The following KHDRBS2 variants were observed in gnomAD, a reference collection of about 807,000 sequenced individuals.
KHDRBS2 encodes KH domain-containing, RNA-binding, signal transduction-associated protein 2.
KHDRBS2 carries 26 observed loss-of-function variants against 44.3 expected under a neutral mutation model. That is an observed-to-expected ratio of 0.59 (90% CI 0.43 to 0.81). KHDRBS2 has a LOEUF of 0.81. Ranked by LOEUF, KHDRBS2 falls within the 40% of genes least tolerant of loss-of-function variation. The pLI is 0.00. For missense variants in KHDRBS2, 476 were observed against 433.1 expected, an observed-to-expected ratio of 1.10 and a Z score of -0.88; for synonymous variants, 194 against 151.1, an observed-to-expected ratio of 1.28 and a Z score of -2.08.
At chr6:61,988,586 C>G (rs1338317901) in intron 3 of KHDRBS2, among the ~76,000 whole-genome samples, 1 of 152,140 alleles carries the variant, frequency 6.6e-6, no homozygotes, top group Non-Finnish European at 1.5e-5. Context: ...TGGGAAGAAA[C>G]TGGCACTCAG....
chr6:62,150,755 G>T (rs1814979996), intron 2 of KHDRBS2, among the ~76,000 whole-genome samples: 1 of 152,026 alleles, frequency 6.6e-6, no homozygotes, highest in African/African-American at 2.4e-5. Context: ...TTTGTCCTTT[G>T]TTATCTCAGC....
chr6:61,874,774 TC>T (rs1799176168), intron 6 of KHDRBS2, among the ~76,000 whole-genome samples: 1 of 152,002 alleles, frequency 6.6e-6, no homozygotes, highest in Non-Finnish European at 1.5e-5. Context: ...TATACACCCA[TC>T]CCGGTGTCAG....
intron 2 of KHDRBS2, among the ~76,000 whole-genome samples, chr6:62,124,724 T>C (rs1201131065): frequency 6.6e-6 from 1 of 152,154 alleles, no homozygotes; most frequent in Non-Finnish European, 1.5e-5. Flanking sequence ...ATCTATTTTA[T>C]ATGATTTCTT....
chr6:62,197,556 A>G (rs1314375828), intron 1 of KHDRBS2, among the ~76,000 whole-genome samples: 1 of 152,142 alleles, frequency 6.6e-6, no homozygotes, highest in Non-Finnish European at 1.5e-5. Flanking sequence ...AGCATTAAAA[A>G]TGAGCTTTCC....
chr6:61,721,597 T>C (rs1235987445), intron 7 of KHDRBS2, among the ~76,000 whole-genome samples: 1 of 133,138 alleles, frequency 7.5e-6, no homozygotes, highest in African/African-American at 2.6e-5. Flanking sequence ...TGTTGGTGTA[T>C]AAGAATGCTT....
intron 6 of KHDRBS2, among the ~76,000 whole-genome samples, chr6:61,878,725 C>T (rs568861143): frequency 2.6e-5 from 4 of 151,988 alleles, no homozygotes; most frequent in Non-Finnish European, 4.4e-5. Flanking sequence ...TTAAACACTA[C>T]ATTGTTATAG....
chr6:61,735,981 G>A (rs1775258935), intron 6 of KHDRBS2, among the ~76,000 whole-genome samples: 1 of 151,868 alleles, frequency 6.6e-6, no homozygotes, highest in Non-Finnish European at 1.5e-5. Context: ...ATTACAGAAT[G>A]CAATGCCTTT....
chr6:61,831,892 C>T (rs1331211442), intron 6 of KHDRBS2, among the ~76,000 whole-genome samples: 1 of 152,108 alleles, frequency 6.6e-6, no homozygotes, highest in Non-Finnish European at 1.5e-5. Context: ...ATATTCTGAG[C>T]ATAATTAGGG....
At chr6:61,659,761 C>T in the KHDRBS2 span, among the ~76,000 whole-genome samples, 2 of 151,590 alleles carry the variant, frequency 1.3e-5, no homozygotes, top group African/African-American at 2.4e-5. Flanking sequence ...TTCTATCAGC[C>T]AGCAAAGAAG....
chr6:62,156,586 A>AT (rs933467666), intron 2 of KHDRBS2, among the ~76,000 whole-genome samples: 8 of 152,178 alleles, frequency 5.3e-5, no homozygotes, highest in Non-Finnish European at 8.8e-5. Context: ...ATGTTACTAG[A>AT]TTTTTTGTTG....
the KHDRBS2 span, among the ~76,000 whole-genome samples, chr6:61,563,540 A>G: frequency 7.2e-5 from 11 of 152,220 alleles, no homozygotes; most frequent in Middle Eastern, 3.4e-3. Flanking sequence ...TAATGGTAAT[A>G]TTGATAGGAA....
At chr6:61,663,791 A>G in the KHDRBS2 span, among the ~76,000 whole-genome samples, 2 of 151,514 alleles carry the variant, frequency 1.3e-5, no homozygotes, top group East Asian at 3.9e-4. Context: ...TATTTGATGA[A>G]TAAACTTTAA....
chr6:61,949,542 A>AT (rs542645199), intron 4 of KHDRBS2, among the ~76,000 whole-genome samples: 11 of 152,050 alleles, frequency 7.2e-5, no homozygotes, highest in East Asian at 3.9e-4. Flanking sequence ...ACAATATACT[A>AT]TTTTTTTCAA....
chr6:61,924,760 C>T (rs2127361728), intron 4 of KHDRBS2, among the ~76,000 whole-genome samples: 1 of 151,674 alleles, frequency 6.6e-6, no homozygotes, highest in Non-Finnish European at 1.5e-5. Flanking sequence ...TTATTTTAAA[C>T]TTCATTCAAT....
intron 6 of KHDRBS2, among the ~76,000 whole-genome samples, chr6:61,776,286 CA>C (rs1387841131): frequency 3.3e-5 from 5 of 152,090 alleles, no homozygotes; most frequent in Non-Finnish European, 7.4e-5. Context: ...CCAAAATTGA[CA>C]AATGGGATCT....
the KHDRBS2 span, among the ~76,000 whole-genome samples, chr6:61,546,023 G>A: frequency 1.3e-5 from 2 of 152,016 alleles, no homozygotes; most frequent in African/African-American, 4.8e-5. Flanking sequence ...CTCATATTTT[G>A]TAGTAGCAGC....
chr6:62,250,892 A>C lies in KHDRBS2; in HGVS notation c.91+34966T>G, dbSNP rs190948656. Among the ~76,000 whole-genome samples the C allele has an allele frequency of 1.4e-3, 215 of 152,160 alleles. 2 individuals are homozygous for C. In the South Asian group the frequency reaches 0.02, roughly 14 times the overall value. On this transcript the variant is annotated intron_variant, in intron 1 of 8. Coordinates refer to ENST00000281156, the MANE Select transcript of KHDRBS2 (RefSeq NM_152688.4). Reference sequence around the variant, plus strand: ...AAAGACAAGTTATAGAAAATGTTTTAGATAAAGGAGGCTAAAGAGACTCCT... The same window carrying C: ...AAAGACAAGTTATAGAAAATGTTTTCGATAAAGGAGGCTAAAGAGACTCCT...
intron 1 of KHDRBS2, among the ~76,000 whole-genome samples, chr6:62,207,120 T>A (rs928738738): frequency 3.9e-5 from 6 of 152,050 alleles, no homozygotes; most frequent in African/African-American, 1.4e-4. Context: ...TATCTGTGAG[T>A]TGCATTTTTC....
intron 7 of KHDRBS2, among the ~76,000 whole-genome samples, chr6:61,700,785 GCAAA>G (rs1383116958): frequency 2.0e-5 from 3 of 151,562 alleles, no homozygotes; most frequent in Non-Finnish European, 4.4e-5. Context: ...TATCTGCAAT[GCAAA>G]CAAAGACAAT....
Sources: gnomAD v4.1 joint callset for allele counts (sites outside exome capture counted in the v4.1 genomes callset) on GRCh38, gnomAD v4.1.1 for gene constraint, MANE v1.5 for transcripts, NCBI Gene and HGNC (gene_info 2026-07-23, HGNC 2026-07-21) for gene names.